Variants in LITAF observed in about 807,000 individuals in gnomAD.
The protein encoded by LITAF is lipopolysaccharide-induced tumor necrosis factor-alpha factor.
LITAF carries 9 observed loss-of-function variants against 14.5 expected under a neutral mutation model. The observed-to-expected ratio is 0.62, with a 90% confidence interval of 0.37 to 1.08. LITAF has a LOEUF of 1.08. LITAF is among the 50% of genes least tolerant of loss of function. The pLI, the probability that LITAF is intolerant of heterozygous loss-of-function variation, is 0.01. For synonymous variants in LITAF, 98 were observed against 88.2 expected (o/e 1.11, Z -0.62); for missense variants, 206 against 213.4 (o/e 0.97, Z 0.22).
intron 1 of LITAF, among the ~76,000 whole-genome samples, chr16:11,571,684 G>A (rs552610764): frequency 2.4e-4 from 36 of 152,324 alleles, no homozygotes; most frequent in African/African-American, 8.7e-4. Flanking sequence ...TCAATCTGGT[G>A]AATGTGGCCA....
At chr16:11,624,132 T>C (rs113447559) in intron 3 of LITAF, among the ~76,000 whole-genome samples, 6,844 of 152,106 alleles carry the variant, frequency 0.045, 213 homozygotes, top group South Asian at 0.083. Flanking sequence ...CAAAAATAAA[T>C]AAATAAATAA....
rs113931358 is a variant in LITAF at position 11,567,281 on chromosome 16, G to A, written c.-5-10546C>T. Among the ~76,000 whole-genome samples the A allele has an allele frequency of 2.0e-3, 310 of 152,222 alleles. 1 individual carries two copies. Among genetic ancestry groups the A allele is most frequent in the African/African-American group, 7.0e-3 (291 of 41,532 alleles). On this transcript the variant is annotated intron_variant, in intron 1 of 3. Coordinates refer to ENST00000622633, the MANE Select transcript of LITAF (RefSeq NM_001136472.2). ...CTAAAAGTACAAAAATTAGCCAGGC[G>A]TGGTGGCACACGCCTGTAATCCTAG...
intron 3 of LITAF, among the ~76,000 whole-genome samples, chr16:11,616,321 T>C (rs1445512750): frequency 1.3e-5 from 2 of 151,208 alleles, no homozygotes; most frequent in Non-Finnish European, 3.0e-5. Context: ...AAAAATTTTT[T>C]ATTAAATTAG....
Position 11,586,856 on chromosome 16 carries a change from C to A in LITAF, c.-6+30G>T. 1 of 152,338 alleles carries A rather than the reference C, an allele frequency of 6.6e-6. No homozygotes were observed. Among genetic ancestry groups the A allele is most frequent in the South Asian group, 1.8e-4 (1 of 5,504 alleles). The allele number at this position is 152,338 out of a possible 1,614,324, so 9.4% of individuals were successfully genotyped here. The stretch of plus-strand genomic sequence containing the variant: ...CCCCCCGCTGTCTCCCGCTGGTCCC[C>A]GCGCCCCGGCGTCCCCGCGCCGCAC... On this transcript the variant is annotated intron_variant, in intron 1 of 3. Transcript: ENST00000622633. The surrounding 1 kb of genome is among the most constrained non-coding windows in gnomAD (Gnocchi z 6.5).
chr16:11,574,969 A>AT (rs1378926441), intron 1 of LITAF, among the ~76,000 whole-genome samples: 5 of 151,868 alleles, frequency 3.3e-5, no homozygotes, highest in Admixed American at 1.3e-4. Context: ...CGCTCAGCTC[A>AT]TTTTTTTATT....
chr16:11,603,047 G>A (rs942755960), upstream of LITAF, among the ~76,000 whole-genome samples: 1 of 152,128 alleles, frequency 6.6e-6, no homozygotes, highest in East Asian at 1.9e-4. Context: ...CCAGAAGTCC[G>A]AGGCTGCAGC....
At chr16:11,600,026 C>T (rs2064917574), upstream of LITAF, among the ~76,000 whole-genome samples, 1 of 152,118 alleles carries the variant, frequency 6.6e-6, no homozygotes, top group Non-Finnish European at 1.5e-5. This position sits in a 1 kb window ranked among gnomAD's most constrained non-coding sequence, Gnocchi z 4.1. Flanking sequence ...AGACAGGTCT[C>T]ACTCTGTCTC....
intron 1 of LITAF, among the ~76,000 whole-genome samples, chr16:11,596,994 G>A (rs2064893486): frequency 6.6e-6 from 1 of 152,140 alleles, no homozygotes; most frequent in South Asian, 2.1e-4. Context: ...GACAGGTAAA[G>A]TAACATGCCT....
At chr16:11,619,612 G>A (rs1440804285) in intron 3 of LITAF, among the ~76,000 whole-genome samples, 1 of 151,960 alleles carries the variant, frequency 6.6e-6, no homozygotes, top group Non-Finnish European at 1.5e-5. Context: ...TATTGACCAG[G>A]CTGGAGTGCA....
At position 11,586,369 on chromosome 16, in the gene LITAF, G is replaced by A. The variant is rs1330104424; in HGVS notation, c.-6+517C>T. The stretch of plus-strand genomic sequence containing the variant: ...GCGCGAAGTCGCGGGGGCAGGGAGA[G>A]AAACGCGGGTACCCGCGCCCCTAGA... On this transcript the variant is annotated intron_variant, in intron 1 of 3. Coordinates refer to ENST00000622633, the MANE Select transcript of LITAF (RefSeq NM_001136472.2). This position sits in a 1 kb window ranked among gnomAD's most constrained non-coding sequence, Gnocchi z 6.5. 6.6e-6 allele frequency: 1 copy of A among 152,282 alleles called. No individual in the cohort carries two copies. Among genetic ancestry groups the A allele is most frequent in the Non-Finnish European group, 1.5e-5 (1 of 68,052 alleles). The allele number at this position is 152,282 out of a possible 1,614,324, so 9.4% of individuals were successfully genotyped here. A position where few individuals can be genotyped will look rare whatever the true frequency, so the allele number is the denominator to read the frequency against.
At chr16:11,637,932 C>CTATATCTATATATCTATATATATCTATA (rs1329813072), upstream of LITAF, among the ~76,000 whole-genome samples, 81 of 41,052 alleles carry the variant, frequency 2.0e-3, 11 homozygotes, top group Non-Finnish European at 2.9e-3. Context: ...ATATCTATAT[C>CTATATCTATATATCTATATATATCTATA]TATATCTATA....
rs527278842 is a variant in LITAF at position 11,547,962 on chromosome 16, A to G, written c.*1675T>C. ...TAGCAATGGCTGGAAATGCAACATG[A>G]GCCCTTTCTTCACACCAAAAGAACT... On this transcript the variant is annotated 3_prime_UTR_variant, in exon 4 of 4. Coordinates refer to ENST00000622633, the MANE Select transcript of LITAF (RefSeq NM_001136472.2). 112 of 454,158 alleles carry G rather than the reference A, an allele frequency of 2.5e-4. No individual in the cohort carries two copies. Among genetic ancestry groups the G allele is most frequent in the African/African-American group, 2.0e-3 (102 of 50,146 alleles). The allele number at this position is 454,158 out of a possible 1,614,324, so 28.1% of individuals were successfully genotyped here.
Position 11,558,043 on chromosome 16 carries a change from A to T in LITAF, c.-5-1308T>A, listed in dbSNP as rs2064301379. On this transcript the variant is annotated intron_variant, in intron 1 of 3. Coordinates refer to ENST00000622633, the MANE Select transcript of LITAF (RefSeq NM_001136472.2). This position sits in a 1 kb window ranked among gnomAD's most constrained non-coding sequence, Gnocchi z 4.1. ...GGGTTCAGGCTGCCTTAGAAGAGCC[A>T]TTCAAACCTGTCTCGGGAGAAATGG... Among the ~76,000 whole-genome samples, 1 of 152,150 alleles carries T rather than the reference A, an allele frequency of 6.6e-6. No individual in the cohort carries two copies. The highest frequency in any genetic ancestry group is 1.5e-5 in the Non-Finnish European group (1 of 68,020).
At chr16:11,555,651 C>T (rs1385989588) in intron 2 of LITAF, among the ~76,000 whole-genome samples, 4 of 134,348 alleles carry the variant, frequency 3.0e-5, no homozygotes, top group African/African-American at 1.1e-4. Flanking sequence ...ATGGTGAGAC[C>T]CTGTCTCAAA....
rs13337025 is a variant in LITAF, at chr16:11,549,198, C to T, written c.*439G>A. 0.011 allele frequency: 5,098 copies of T among 452,982 alleles called. 178 individuals are homozygous for T. Among genetic ancestry groups the T allele is most frequent in the African/African-American group, 0.081 (4,058 of 49,976 alleles). 28.1% of individuals were successfully genotyped at this position (452,982 alleles called of 1,614,324 possible). A position where few individuals can be genotyped will look rare whatever the true frequency, so the allele number is the denominator to read the frequency against. ...GAGACGGATAAGATAATGGTAGGCA[C>T]TAAAGGCTGGTTCAGCCGAGCTCTG... On this transcript the variant is annotated 3_prime_UTR_variant, in exon 4 of 4. Coordinates refer to ENST00000622633, the MANE Select transcript of LITAF (RefSeq NM_001136472.2). This position sits in a 1 kb window ranked among gnomAD's most constrained non-coding sequence, Gnocchi z 4.6.
chr16:11,549,741 T>A lies in LITAF; in HGVS notation c.382A>T (p.Ile128Leu). Residue 128 changes from isoleucine to leucine, a missense_variant, in exon 4 of 4, where the codon ATA becomes TTA. Coordinates refer to ENST00000622633, the MANE Select transcript of LITAF (RefSeq NM_001136472.2). The surrounding 1 kb of genome is among the most constrained non-coding windows in gnomAD (Gnocchi z 4.6). ...AAGGGGATGAAGCAGCAGCCCGCTATGCACCTGGGAGGAGAGAGAGACACA... is the reference window on the plus strand; with the variant it reads ...AAGGGGATGAAGCAGCAGCCCGCTAAGCACCTGGGAGGAGAGAGAGACACA... ...SCGSLCLLGC[I>L]AGCCFIPFCV... 1 of 1,612,430 alleles carries A rather than the reference T, an allele frequency of 6.2e-7. No individual in the cohort carries two copies. Among genetic ancestry groups the A allele is most frequent in the Non-Finnish European group, 8.5e-7 (1 of 1,179,102 alleles).
rs552962552 is a variant in LITAF at position 11,551,085 on chromosome 16, C to T, written c.378-1340G>A. 5.3e-5 allele frequency among the ~76,000 whole-genome samples: 8 copies of T among 152,260 alleles called. No individual in the cohort carries two copies. The East Asian group carries it at 7.7e-4, about 15-fold the overall frequency. On this transcript the variant is annotated intron_variant, in intron 3 of 3. Coordinates refer to ENST00000622633, the MANE Select transcript of LITAF (RefSeq NM_001136472.2). ...GCACACACAGGCAGGAACCTCAGACCGCCTGACAACCAATGTTTGCCAAAA... is the reference window on the plus strand; with the variant it reads ...GCACACACAGGCAGGAACCTCAGACTGCCTGACAACCAATGTTTGCCAAAA...
rs967307080 is a variant in LITAF, at chr16:11,634,141, C to T, written c.-20-504G>A. On this transcript the variant is annotated intron_variant, in intron 2 of 3. Coordinates refer to the LITAF transcript ENST00000574848. The surrounding 1 kb of genome is among the most constrained non-coding windows in gnomAD (Gnocchi z 4.1). ...AGAGACTCATATGGGCACTTATACA[C>T]ACATGCACACAGGTGAGACCATCTT... Among the ~76,000 whole-genome samples the T allele has an allele frequency of 2.0e-5, 3 of 152,162 alleles. No individual in the cohort carries two copies. The highest frequency in any genetic ancestry group is 4.4e-5 in the Non-Finnish European group (3 of 68,040).
intron 3 of LITAF, among the ~76,000 whole-genome samples, chr16:11,628,009 C>CAAAAA (rs34480494): frequency 1.3e-4 from 7 of 54,734 alleles, no homozygotes; most frequent in Non-Finnish European, 1.9e-4. Context: ...GAGACTCTGT[C>CAAAAA]AAAAAAAAAA....
Sources: gnomAD v4.1 joint callset for allele counts (sites outside exome capture counted in the v4.1 genomes callset) on GRCh38, gnomAD v4.1.1 for gene constraint, Gnocchi (gnomAD v3.1) non-coding constraint, MANE v1.5 for transcripts, NCBI Gene and HGNC (gene_info 2026-07-23, HGNC 2026-07-21) for gene names.